The following SLC8A3 variants were observed in gnomAD, a reference collection of about 807,000 sequenced individuals.
The protein encoded by SLC8A3 is solute carrier family 8 member A3, also known as sodium/calcium exchanger 3.
Under a neutral mutation model 65.4 loss-of-function variants are expected in SLC8A3, and 37 were observed. The ratio of observed to expected loss-of-function variants is 0.57; its 90% CI spans 0.44 to 0.74. The LOEUF is 0.74. Among genes scored for constraint, SLC8A3 ranks in the 30% least tolerant of loss-of-function variants. The pLI, the probability that SLC8A3 is intolerant of heterozygous loss-of-function variation, is 0.00. For synonymous variants in SLC8A3, 461 were observed against 444.5 expected (o/e 1.04, Z -0.47); for missense variants, 1,112 against 1,172.1 (o/e 0.95, Z 0.75).
At chr14:70,060,974 G>A (rs772261042) in intron 2 of SLC8A3, 35 bp from the exon 3 acceptor site, 44 of 988,956 alleles carry the variant, frequency 4.4e-5, no homozygotes, top group Non-Finnish European at 6.6e-5. Flanking sequence ...TGTGTCGACT[G>A]GGTCGGTAGA....
At chr14:70,094,696 C>G (rs1014386629) in intron 2 of SLC8A3, among the ~76,000 whole-genome samples, 1 of 152,166 alleles carries the variant, frequency 6.6e-6, no homozygotes. Context: ...GAATGTCCCC[C>G]CTGCTGTTGA....
intron 2 of SLC8A3, among the ~76,000 whole-genome samples, chr14:70,116,545 C>T (rs986488883): frequency 8.5e-5 from 13 of 152,196 alleles, no homozygotes; most frequent in African/African-American, 2.7e-4. Flanking sequence ...CCAGGCACAT[C>T]ACCCACTTCA....
chr14:70,180,694 C>T (rs1882675377), intron 1 of SLC8A3, among the ~76,000 whole-genome samples: 1 of 152,170 alleles, frequency 6.6e-6, no homozygotes, highest in Non-Finnish European at 1.5e-5. Context: ...CTAAACACAT[C>T]TTTTCTGGGG....
intron 2 of SLC8A3, among the ~76,000 whole-genome samples, chr14:70,150,669 G>C (rs1896210987): frequency 6.6e-6 from 1 of 152,172 alleles, no homozygotes; most frequent in Non-Finnish European, 1.5e-5. Flanking sequence ...GCCCCAGCCA[G>C]GCCTGCCTCT....
intron 2 of SLC8A3, among the ~76,000 whole-genome samples, chr14:70,061,514 A>G (rs1342084443): frequency 2.6e-5 from 4 of 151,796 alleles, no homozygotes; most frequent in Non-Finnish European, 5.9e-5. Context: ...GAGGAAGGAA[A>G]ACCAGACAGA....
At chr14:70,126,564 T>A (rs5029833) in intron 2 of SLC8A3, among the ~76,000 whole-genome samples, 6,191 of 105,118 alleles carry the variant, frequency 0.059, 183 homozygotes, top group Non-Finnish European at 0.086. Flanking sequence ...TCTCTCTCTC[T>A]CTCTCTCACA....
chr14:70,141,977 C>A (rs1469143261), intron 2 of SLC8A3, among the ~76,000 whole-genome samples: 2 of 150,980 alleles, frequency 1.3e-5, no homozygotes, highest in Non-Finnish European at 2.9e-5. Flanking sequence ...ACTCCAATGG[C>A]CTCCCTCTCA....
At chr14:70,084,234 T>C (rs1891265022) in intron 2 of SLC8A3, among the ~76,000 whole-genome samples, 1 of 152,226 alleles carries the variant, frequency 6.6e-6, no homozygotes, top group South Asian at 2.1e-4. Context: ...CTTGGTTATT[T>C]TCCAAGATGG....
intron 2 of SLC8A3, among the ~76,000 whole-genome samples, chr14:70,091,289 C>CT (rs1891790255): frequency 6.6e-6 from 1 of 152,114 alleles, no homozygotes; most frequent in African/African-American, 2.4e-5. Context: ...AAAATAGCTC[C>CT]TTTTTTAATA....
Position 70,167,869 on chromosome 14 carries a change from C to T in SLC8A3, c.554G>A (p.Cys185Tyr). The T allele has an allele frequency of 1.9e-6, 3 of 1,614,182 alleles. No homozygotes were observed. The highest frequency in any genetic ancestry group is 2.5e-6 in the Non-Finnish European group (3 of 1,180,032). Residue 185 changes from cysteine to tyrosine, a missense_variant, in exon 2 of 7, where the codon TGT (cysteine) becomes TAT (tyrosine). Coordinates refer to ENST00000356921, the MANE Select transcript of SLC8A3 (RefSeq NM_182932.3). ...CTCTCCGTCTGGGATCACGTAGACA[C>T]AGATGCCAATGATGATGAACATGTT... ...AFNMFIIIGICVYVIPDGETR... is the reference protein window; with the variant it reads ...AFNMFIIIGIYVYVIPDGETR...
chr14:70,143,636 A>T (rs1895714607), intron 2 of SLC8A3, among the ~76,000 whole-genome samples: 2 of 152,122 alleles, frequency 1.3e-5, no homozygotes, highest in African/African-American at 2.4e-5. Context: ...TTCCCGGGTA[A>T]TTCTCGGGAG....
chr14:70,162,826 T>C (rs1896964309), intron 2 of SLC8A3, among the ~76,000 whole-genome samples: 1 of 152,228 alleles, frequency 6.6e-6, no homozygotes, highest in African/African-American at 2.4e-5. Context: ...TAAGGTTTCA[T>C]TGTAATATGG....
At chr14:70,053,455 A>G (rs934796388) in intron 3 of SLC8A3, among the ~76,000 whole-genome samples, 1 of 152,070 alleles carries the variant, frequency 6.6e-6, no homozygotes, top group African/African-American at 2.4e-5. Context: ...CAGATTCCAT[A>G]CTCTTTTCCT....
Position 70,168,481 on chromosome 14 carries a change from A to G in SLC8A3, c.-59T>C, listed in dbSNP as rs1429194461. On this transcript the variant is annotated 5_prime_UTR_variant, in exon 2 of 7. Coordinates refer to ENST00000356921, the MANE Select transcript of SLC8A3 (RefSeq NM_182932.3). Reference sequence around the variant, plus strand: ...ACCAGTTGTCCTCCTGATAGGCCAGAGACCTAGAAAAGATCAGAGAGGCAG... The same window carrying G: ...ACCAGTTGTCCTCCTGATAGGCCAGGGACCTAGAAAAGATCAGAGAGGCAG... 1.1e-5 allele frequency: 16 copies of G among 1,391,920 alleles called. No homozygotes were observed. Among genetic ancestry groups the G allele is most frequent in the African/African-American group, 2.9e-5 (2 of 69,478 alleles). The allele number at this position is 1,391,920 out of a possible 1,614,324, so 86.2% of individuals were successfully genotyped here.
chr14:70,068,347 T>G (rs920945075), intron 2 of SLC8A3, among the ~76,000 whole-genome samples: 1 of 152,322 alleles, frequency 6.6e-6, no homozygotes, highest in African/African-American at 2.4e-5. Context: ...CTCACCACCA[T>G]GAGAACCATA....
intron 2 of SLC8A3, among the ~76,000 whole-genome samples, chr14:70,098,171 G>A (rs1892312662): frequency 6.6e-6 from 1 of 152,186 alleles, no homozygotes; most frequent in Admixed American, 6.5e-5. Context: ...ATTATGGCAA[G>A]TGTCCATGGG....
intron 2 of SLC8A3, among the ~76,000 whole-genome samples, chr14:70,073,183 G>A (rs1479838691): frequency 1.3e-5 from 2 of 152,094 alleles, no homozygotes; most frequent in African/African-American, 4.8e-5. Flanking sequence ...ATGTGAGTGG[G>A]GGTATGACGG....
At chr14:70,117,809 C>T (rs1215829306) in intron 2 of SLC8A3, among the ~76,000 whole-genome samples, 2 of 152,184 alleles carry the variant, frequency 1.3e-5, no homozygotes, top group Non-Finnish European at 2.9e-5. Flanking sequence ...TCCAGCTGCC[C>T]TAATTACCCC....
At chr14:70,049,653 T>C (rs1413280396) in intron 5 of SLC8A3, among the ~76,000 whole-genome samples, 1 of 151,320 alleles carries the variant, frequency 6.6e-6, no homozygotes, top group Non-Finnish European at 1.5e-5. Context: ...GAAAGGAGAA[T>C]GCACAGGCTG....
Sources: allele counts gnomAD v4.1 joint callset (sites outside exome capture counted in the v4.1 genomes callset), GRCh38; gene constraint gnomAD v4.1.1; transcripts MANE v1.5; gene names NCBI Gene and HGNC (gene_info 2026-07-23, HGNC 2026-07-21).